The following RALGAPA1 variants were observed in gnomAD, a reference collection of about 807,000 sequenced individuals.
RALGAPA1 encodes ral GTPase-activating protein subunit alpha-1.
RALGAPA1 carries 52 observed loss-of-function variants against 269.6 expected under a neutral mutation model. The observed-to-expected ratio is 0.19, with a 90% CI of 0.15 to 0.24. The LOEUF (loss-of-function observed/expected upper bound fraction) is 0.24, where lower values mean the gene tolerates loss of function less well. RALGAPA1 is among the 10% of genes least tolerant of loss of function. RALGAPA1 has a pLI of 1.00. For synonymous variants in RALGAPA1, 817 were observed against 1,008.3 expected (o/e 0.81, Z 3.60); for missense variants, 1,917 against 3,013.9 (o/e 0.64, Z 8.52).
At chr14:35,709,997 A>G (rs2068158678) in intron 16 of RALGAPA1, among the ~76,000 whole-genome samples, 1 of 152,232 alleles carries the variant, frequency 6.6e-6, no homozygotes, top group Non-Finnish European at 1.5e-5. Context: ...AAGAATGAGT[A>G]TAATCTCTGC....
At chr14:35,608,862 T>TA (rs200370248) in intron 35 of RALGAPA1, among the ~76,000 whole-genome samples, 2,017 of 152,298 alleles carry the variant, frequency 0.013, 11 homozygotes, top group Non-Finnish European at 0.02. Context: ...ATCTACAGAA[T>TA]ACTCTATCCT....
chr14:35,560,262 G>T (rs1168460553), intron 39 of RALGAPA1, among the ~76,000 whole-genome samples: 2 of 152,080 alleles, frequency 1.3e-5, no homozygotes, highest in Non-Finnish European at 2.9e-5. Context: ...CTGCTTGACT[G>T]TATTATCTGG....
intron 31 of RALGAPA1, among the ~76,000 whole-genome samples, chr14:35,647,558 CA>C (rs1436362036): frequency 2.6e-5 from 4 of 151,912 alleles, no homozygotes; most frequent in African/African-American, 9.7e-5. Flanking sequence ...AAACCCAATT[CA>C]AAAAAATTAG....
intron 1 of RALGAPA1, among the ~76,000 whole-genome samples, chr14:35,800,493 T>C (rs1018591214): frequency 1.3e-5 from 2 of 151,872 alleles, no homozygotes; most frequent in African/African-American, 2.4e-5. Context: ...AAATAACCCA[T>C]GGATTAAAAA....
At chr14:35,766,635 G>A (rs1356504138) in intron 4 of RALGAPA1, 2 of 721,010 alleles carry the variant, frequency 2.8e-6, no homozygotes. Flanking sequence ...CAGACGAGAA[G>A]GGTTCAATGA....
At chr14:35,701,609 T>C (rs1185377556) in intron 16 of RALGAPA1, among the ~76,000 whole-genome samples, 1 of 152,198 alleles carries the variant, frequency 6.6e-6, no homozygotes, top group African/African-American at 2.4e-5. Flanking sequence ...TACTCCTTCA[T>C]ACTTGAAGTA....
chr14:35,558,988 A>C (rs1014593692), intron 39 of RALGAPA1, among the ~76,000 whole-genome samples: 2 of 152,184 alleles, frequency 1.3e-5, no homozygotes, highest in Non-Finnish European at 2.9e-5. Context: ...AAGAATCAGG[A>C]TCCATCATGT....
chr14:35,772,492 G>T (rs1050737663), intron 3 of RALGAPA1, among the ~76,000 whole-genome samples: 1 of 152,054 alleles, frequency 6.6e-6, no homozygotes, highest in African/African-American at 2.4e-5. Flanking sequence ...TACCTGTTTG[G>T]ATTATTCTCG....
intron 4 of RALGAPA1, chr14:35,767,038 A>G (rs1176023918): frequency 1.7e-5 from 6 of 355,460 alleles, no homozygotes; most frequent in Non-Finnish European, 3.3e-5. Flanking sequence ...CTGTTATTCA[A>G]CTTCAAGAAC....
chr14:35,546,811 T>G (rs555495373), intron 41 of RALGAPA1, among the ~76,000 whole-genome samples: 26 of 152,088 alleles, frequency 1.7e-4, no homozygotes, highest in Non-Finnish European at 3.2e-4. Context: ...TCTGTCCACT[T>G]TGACTTATAA....
chr14:35,588,841 T>C (rs915041607), intron 37 of RALGAPA1, among the ~76,000 whole-genome samples: 1 of 152,188 alleles, frequency 6.6e-6, no homozygotes, highest in African/African-American at 2.4e-5. Context: ...ATAACCAGGA[T>C]ATGGAATCAA....
intron 6 of RALGAPA1, among the ~76,000 whole-genome samples, chr14:35,759,652 G>C (rs151044991): frequency 0.011 from 1,612 of 151,518 alleles, 33 homozygotes; most frequent in African/African-American, 0.037. Context: ...GCTCATGTCT[G>C]TAATCCCAGC....
At chr14:35,722,770 C>T (rs1456559096) in intron 15 of RALGAPA1, among the ~76,000 whole-genome samples, 2 of 151,976 alleles carry the variant, frequency 1.3e-5, no homozygotes, top group Non-Finnish European at 2.9e-5. Context: ...TAAGTAAGTG[C>T]TTTCAAAAAC....
intron 4 of RALGAPA1, chr14:35,767,165 A>G (rs562870656): frequency 5.4e-6 from 1 of 185,444 alleles, no homozygotes; most frequent in African/African-American, 2.4e-5. Flanking sequence ...TATACTATCA[A>G]GTTTATTTCC....
chr14:35,649,766 A>G (rs1391857316), intron 31 of RALGAPA1, among the ~76,000 whole-genome samples: 1 of 151,902 alleles, frequency 6.6e-6, no homozygotes, highest in East Asian at 1.9e-4. Context: ...TTTTTATACT[A>G]TTTATTATAT....
chr14:35,750,876 T>G (rs1455251314), intron 8 of RALGAPA1, among the ~76,000 whole-genome samples, 186 bp from the exon 9 acceptor site: 3 of 152,208 alleles, frequency 2.0e-5, no homozygotes, highest in Admixed American at 2.0e-4. Flanking sequence ...GTGAACCATA[T>G]ATACCAGGAT....
chr14:35,796,144 T>C (rs1045882120), intron 1 of RALGAPA1, among the ~76,000 whole-genome samples: 1 of 152,112 alleles, frequency 6.6e-6, no homozygotes, highest in African/African-American at 2.4e-5. Flanking sequence ...GTATATCATT[T>C]TAGCTGTATT....
In RALGAPA1 at chr14:35,689,255, A is replaced by C; in HGVS notation, c.3156T>G (p.Asp1052Glu). The C allele has an allele frequency of 8.1e-7, 1 of 1,232,328 alleles. No individual in the cohort carries two copies. The allele number at this position is 1,232,328 out of a possible 1,614,324, so 76.3% of individuals were successfully genotyped here. ...TDKQPSEPSL[D>E]SPCDKEKRKH... ...TCCTTTTTTCTTTATCACAAGGGCT[A>C]TCTAAACTAGGCTCTGATGGCTGTT... Residue 1052 changes from aspartate to glutamate, a missense_variant, in exon 18 of 42, where the codon GAT becomes GAG. Asp to Glu is a conservative substitution (Grantham distance 45). This residue lies in a region of RALGAPA1 where 615 missense variants were observed against 790.0 expected (regional missense o/e 0.78). Coordinates refer to ENST00000680220, the MANE Select transcript of RALGAPA1 (RefSeq NM_001346249.2).
At chr14:35,717,185 T>C (rs2140911330) in intron 16 of RALGAPA1, among the ~76,000 whole-genome samples, 1 of 152,288 alleles carries the variant, frequency 6.6e-6, no homozygotes, top group East Asian at 1.9e-4. Flanking sequence ...AGTTTCGCTC[T>C]TGTTGCCCAA....
Sources: allele counts gnomAD v4.1 joint callset (sites outside exome capture counted in the v4.1 genomes callset), GRCh38; gene constraint gnomAD v4.1.1; regional missense constraint gnomAD v4.1.1; transcripts MANE v1.5; gene names NCBI Gene and HGNC (gene_info 2026-07-23, HGNC 2026-07-21).